TMCC3: variants seen among roughly 807,000 people sequenced by gnomAD.
TMCC3 encodes transmembrane and coiled-coil domain protein 3.
A neutral mutation model predicts 40.2 loss-of-function variants in TMCC3; 28 were observed. The ratio of observed to expected loss-of-function variants is 0.70; its 90% CI spans 0.52 to 0.95. The LOEUF is 0.95. Among genes scored for constraint, TMCC3 ranks in the 40% least tolerant of loss-of-function variants. The pLI, the probability that TMCC3 is intolerant of heterozygous loss-of-function variation, is 0.00. For missense variants in TMCC3, 554 were observed against 615.2 expected, an observed-to-expected ratio of 0.90 and a Z score of 1.05; for synonymous variants, 255 against 248.5, an observed-to-expected ratio of 1.03 and a Z score of -0.25.
intron 1 of TMCC3, chr12:94,590,838 C>A: frequency 3.8e-6 from 2 of 524,930 alleles, no homozygotes; most frequent in South Asian, 3.3e-5. Flanking sequence ...ACGATGTGCA[C>A]CCGCAACAAA....
rs148258641 is a variant in TMCC3 at position 94,621,408 on chromosome 12, A to C, written c.78+28945T>G. On this transcript the variant is annotated intron_variant, in intron 1 of 3. Coordinates refer to ENST00000261226, the MANE Select transcript of TMCC3 (RefSeq NM_020698.4). ...CTCAGGGACAGAACCTGGACTGTGCATCTGACAGCCGCCTTTCTACCTCCC... is the reference window on the plus strand; with the variant it reads ...CTCAGGGACAGAACCTGGACTGTGCCTCTGACAGCCGCCTTTCTACCTCCC... Among the ~76,000 whole-genome samples the C allele has an allele frequency of 5.8e-3, 884 of 152,310 alleles. 40 individuals carry two copies. Among genetic ancestry groups the C allele is most frequent in the Non-Finnish European group, 1.1e-3 (76 of 68,018 alleles).
intron 1 of TMCC3, among the ~76,000 whole-genome samples, chr12:94,589,255 G>A (rs1275653223): frequency 1.3e-5 from 2 of 152,152 alleles, no homozygotes; most frequent in African/African-American, 4.8e-5. Context: ...CCCTGGTCTA[G>A]GCTGCTCCTA....
intron 1 of TMCC3, among the ~76,000 whole-genome samples, chr12:94,638,757 T>C (rs1372237449): frequency 1.3e-5 from 2 of 152,270 alleles, no homozygotes; most frequent in African/African-American, 2.4e-5. Flanking sequence ...TCAGGCTTTC[T>C]GGATGATCAC....
At chr12:94,598,064 C>T (rs1159737174) in intron 1 of TMCC3, among the ~76,000 whole-genome samples, 1 of 152,182 alleles carries the variant, frequency 6.6e-6, no homozygotes, top group Non-Finnish European at 1.5e-5. Flanking sequence ...AGAGAAGCCA[C>T]CAGTTACTAA....
At chr12:94,610,267 T>A (rs1343000283) in intron 1 of TMCC3, among the ~76,000 whole-genome samples, 1 of 152,182 alleles carries the variant, frequency 6.6e-6, no homozygotes, top group Non-Finnish European at 1.5e-5. Flanking sequence ...CGGAACCTTC[T>A]TTAGCCACCA....
chr12:94,628,242 C>G (rs1179083711), intron 1 of TMCC3, among the ~76,000 whole-genome samples: 1 of 152,142 alleles, frequency 6.6e-6, no homozygotes, highest in Admixed American at 6.5e-5. Flanking sequence ...AGGTGTGGTC[C>G]TGGGTGAAGG....
intron 1 of TMCC3, among the ~76,000 whole-genome samples, chr12:94,649,106 T>C (rs558327933): frequency 6.6e-6 from 1 of 152,302 alleles, no homozygotes; most frequent in East Asian, 1.9e-4. Flanking sequence ...GATGAGTGCA[T>C]GAGGTATTAT....
chr12:94,583,728 G>A (rs1361961163), intron 1 of TMCC3, among the ~76,000 whole-genome samples: 1 of 152,140 alleles, frequency 6.6e-6, no homozygotes, highest in African/African-American at 2.4e-5. Context: ...GCCAGACAAA[G>A]AACATGCTAG....
intron 1 of TMCC3, 118 bp from the exon 2 acceptor site, chr12:94,582,656 G>T: frequency 1.1e-6 from 1 of 930,048 alleles, no homozygotes; most frequent in Non-Finnish European, 1.6e-6. Flanking sequence ...AACTACAAGT[G>T]TCACGGGATA....
intron 1 of TMCC3, among the ~76,000 whole-genome samples, chr12:94,607,826 A>C (rs1281786328): frequency 6.6e-6 from 1 of 152,238 alleles, no homozygotes; most frequent in East Asian, 1.9e-4. Flanking sequence ...TCGAAATGTT[A>C]GGGGACCATC....
chr12:94,591,675 G>C (rs1032655319), intron 1 of TMCC3, among the ~76,000 whole-genome samples: 1 of 152,170 alleles, frequency 6.6e-6, no homozygotes, highest in Non-Finnish European at 1.5e-5. Flanking sequence ...AGGGTCAAGA[G>C]CCTGGGAGGT....
In TMCC3 at chr12:94,650,375, C is replaced by G; in HGVS notation, c.56G>C (p.Arg19Pro). The change falls in exon 1 of 4, where the codon CGG becomes CCG. Residue 19 changes from arginine to proline, a missense_variant. Arg to Pro is a moderately radical substitution (Grantham distance 103, BLOSUM62 -2). Coordinates refer to ENST00000261226, the MANE Select transcript of TMCC3 (RefSeq NM_020698.4). ...CACCCGGCTCTTGCAGCGGTGGTGC[C>G]GGCCGGGGTACGAGTAGGTCCGGTC... ...TVDRTYSYPG[R>P]HHRCKSRVER... 7.5e-7 allele frequency: 1 copy of G among 1,341,816 alleles called. No homozygotes were observed. Among genetic ancestry groups the G allele is most frequent in the Non-Finnish European group, 9.6e-7 (1 of 1,039,930 alleles). 83.1% of individuals were successfully genotyped at this position (1,341,816 alleles called of 1,614,324 possible). A position where few individuals can be genotyped will look rare whatever the true frequency, so the allele number is the denominator to read the frequency against.
Position 94,595,777 on chromosome 12 carries a change from T to C in TMCC3, c.79-13239A>G, listed in dbSNP as rs549958393. Among the ~76,000 whole-genome samples the C allele has an allele frequency of 5.3e-5, 8 of 152,286 alleles. No homozygotes were observed. The East Asian group carries it at 7.7e-4, about 15-fold the overall frequency. On this transcript the variant is annotated intron_variant, in intron 1 of 3. Transcript: ENST00000261226. ...TTGCACAGTTTTATTTTTTCTAATATATGCCAGCAGTATTATCACCAAATG... is the reference window on the plus strand; with the variant it reads ...TTGCACAGTTTTATTTTTTCTAATACATGCCAGCAGTATTATCACCAAATG...
At chr12:94,604,877 A>G (rs2068774036) in intron 1 of TMCC3, among the ~76,000 whole-genome samples, 1 of 151,938 alleles carries the variant, frequency 6.6e-6, no homozygotes, top group East Asian at 1.9e-4. Context: ...GGGGGCTTCA[A>G]TGAGAAGCTT....
rs766410952 is a variant in TMCC3 at position 94,582,152 on chromosome 12, A to C, written c.465T>G (p.Ile155Met). Residue 155 changes from isoleucine (I) to methionine (M), a missense_variant, in exon 2 of 4, where the codon ATT becomes ATG. Ile to Met is a conservative substitution (Grantham distance 10, BLOSUM62 1). Transcript: ENST00000261226. ...GTATATCCTTCAGGTGGTCTTTGGA[A>C]ATGTCCTTTGAGCTCCTAGAGGCTC... ...QNGASRSSKD[I>M]SKDHLKDIHR... is the part of the protein sequence containing the mutation. 7 of 1,613,808 alleles carry C rather than the reference A, an allele frequency of 4.3e-6. No homozygotes were observed. In the Admixed American group the frequency reaches 1.2e-4, roughly 27 times the overall value.
intron 1 of TMCC3, among the ~76,000 whole-genome samples, chr12:94,633,955 T>A (rs950555398): frequency 2.7e-4 from 41 of 150,930 alleles, no homozygotes; most frequent in East Asian, 5.8e-4. Flanking sequence ...TTTTATTTTT[T>A]TTTTTTTTGA....
rs1337532753 is a variant in TMCC3 at position 94,568,154 on chromosome 12, G to A, written c.*3281C>T. The A allele has an allele frequency of 6.6e-6, 1 of 152,128 alleles. No individual in the cohort carries two copies. Among genetic ancestry groups the A allele is most frequent in the East Asian group, 1.9e-4 (1 of 5,206 alleles). The allele number at this position is 152,128 out of a possible 1,614,324, so 9.4% of individuals were successfully genotyped here. A position where few individuals can be genotyped will look rare whatever the true frequency, so the allele number is the denominator to read the frequency against. On this transcript the variant is annotated 3_prime_UTR_variant, in exon 4 of 4. Coordinates refer to ENST00000261226, the MANE Select transcript of TMCC3 (RefSeq NM_020698.4). ...GTGAATAGCTGACAAGGATCACGCA[G>A]GCAAAAATGCTACCGTTCCAAGCTA...
intron 1 of TMCC3, among the ~76,000 whole-genome samples, chr12:94,583,316 C>A (rs535394154): frequency 6.6e-6 from 1 of 151,900 alleles, no homozygotes; most frequent in Non-Finnish European, 1.5e-5. Context: ...ACCAGCCTGG[C>A]TAACATGGTG....
chr12:94,594,202 T>C (rs971970517), intron 1 of TMCC3, among the ~76,000 whole-genome samples: 1 of 64,570 alleles, frequency 1.5e-5, no homozygotes, highest in Non-Finnish European at 3.5e-5. Flanking sequence ...AATTTAAATA[T>C]ATATATATAT....
Sources: gnomAD v4.1 joint callset for allele counts (sites outside exome capture counted in the v4.1 genomes callset) on GRCh38, gnomAD v4.1.1 for gene constraint, MANE v1.5 for transcripts, NCBI Gene and HGNC (gene_info 2026-07-23, HGNC 2026-07-21) for gene names.